The following SETD5 variants were observed in gnomAD, a reference collection of about 807,000 sequenced individuals.
The protein encoded by SETD5 is SET domain containing 5, also known as histone-lysine N-methyltransferase SETD5.
SETD5 carries 44 observed loss-of-function variants against 153.3 expected under a neutral mutation model. The observed-to-expected ratio is 0.29, with a 90% CI of 0.23 to 0.37. The LOEUF (loss-of-function observed/expected upper bound fraction) is 0.37. SETD5 is among the 10% of genes least tolerant of loss of function. The pLI is 1.00. For synonymous variants in SETD5, 716 were observed against 645.2 expected, an observed-to-expected ratio of 1.11 and a Z score of -1.66; for missense variants, 1,544 against 1,768.0, an observed-to-expected ratio of 0.87 and a Z score of 2.27.
At chr3:9,465,006 C>A in intron 18 of SETD5, 1 of 331,906 alleles carries the variant, frequency 3.0e-6, no homozygotes. Context: ...AGGCCTCTAG[C>A]TGCCTGTAGT....
At chr3:9,415,321 T>C (rs1296642456) in intron 1 of SETD5, among the ~76,000 whole-genome samples, 1 of 152,200 alleles carries the variant, frequency 6.6e-6, no homozygotes, top group East Asian at 1.9e-4. Context: ...AAATCATTTT[T>C]CATATTAAGA....
At position 9,413,649 on chromosome 3, in the gene SETD5, G is replaced by GGGGGTGT. The variant is rs200761097; in HGVS notation, c.-176-10817_-176-10816insGGGTGTG. The stretch of plus-strand genomic sequence containing the variant: ...AGCTTCTTCGGGTGGGGGGAGGCGG[G>GGGGGTGT]GTGTGTGTGTGTGTGTGTGTGTGTG... On this transcript the variant is annotated intron_variant, in intron 1 of 22. Coordinates refer to ENST00000402198, the MANE Select transcript of SETD5 (RefSeq NM_001080517.3). Among the ~76,000 whole-genome samples, 12 of 140,366 alleles carry GGGGGTGT rather than the reference G, an allele frequency of 8.5e-5. 1 individual carries two copies. Among genetic ancestry groups the GGGGGTGT allele is most frequent in the Non-Finnish European group, 1.7e-4 (11 of 64,768 alleles). The allele number at this position is 140,366 out of a possible 152,430, so 92.1% of individuals were successfully genotyped here.
At position 9,470,722 on chromosome 3, in the gene SETD5, A is replaced by G; in HGVS notation, c.2988A>G (p.Ala996=). Residue 996 remains alanine, a synonymous_variant, in exon 19 of 23, where the codon GCA becomes GCG. Transcript: ENST00000402198. ...AYSPLNAMPR[A]DGLYRGSPLV... ...CCCCTTTGAATGCTATGCCTCGAGC[A>G]GATGGACTGTATCGAGGATCTCCTC... is the stretch of plus-strand genomic sequence containing the variant. 6.2e-7 allele frequency: 1 copy of G among 1,614,064 alleles called. No homozygotes were observed. Among genetic ancestry groups the G allele is most frequent in the Non-Finnish European group, 8.5e-7 (1 of 1,179,892 alleles).
intron 1 of SETD5, among the ~76,000 whole-genome samples, chr3:9,406,233 C>CTT: frequency 6.6e-6 from 1 of 152,194 alleles, no homozygotes; most frequent in Non-Finnish European, 1.5e-5. Flanking sequence ...TTTAAAAAAA[C>CTT]TTTTAGTTCT....
At chr3:9,422,106 A>C (rs1260234961) in intron 1 of SETD5, among the ~76,000 whole-genome samples, 1 of 152,170 alleles carries the variant, frequency 6.6e-6, no homozygotes, top group Non-Finnish European at 1.5e-5. Flanking sequence ...TGAAAAAGAA[A>C]CCAGGCCTAG....
Position 9,453,740 on chromosome 3 carries a change from G to A in SETD5, c.2348G>A (p.Arg783His), listed in dbSNP as rs201499833. The change falls in exon 17 of 23, where the codon CGC (arginine) becomes CAC (histidine). Residue 783 changes from arginine to histidine, a missense_variant and splice_region_variant. Around this residue, in one of 9 missense-constraint regions of SETD5, gnomAD observed 782 missense variants for 787.2 expected, o/e 0.99. Transcript: ENST00000402198. ...PDGTFSSCKKRWIKQALEEGM... is the reference protein window; with the variant it reads ...PDGTFSSCKKHWIKQALEEGM... Reference sequence around the variant, plus strand: ...TTCTCTGGTTCTTTTCAATTATAGCGCTGGATAAAACAAGCCTTAGAAGAA... The same window carrying A: ...TTCTCTGGTTCTTTTCAATTATAGCACTGGATAAAACAAGCCTTAGAAGAA... 377 of 1,584,592 alleles carry A rather than the reference G, an allele frequency of 2.4e-4. 2 individuals carry two copies. In the Middle Eastern group the frequency reaches 3.7e-3, roughly 16 times the overall value.
At chr3:9,472,217 T>C (rs1434611011) in intron 19 of SETD5, among the ~76,000 whole-genome samples, 1 of 152,228 alleles carries the variant, frequency 6.6e-6, no homozygotes, top group Non-Finnish European at 1.5e-5. Context: ...TTGGGCACAT[T>C]TAAGCATAAA....
intron 16 of SETD5, among the ~76,000 whole-genome samples, chr3:9,450,799 T>C (rs890227763): frequency 2.0e-5 from 3 of 152,252 alleles, no homozygotes; most frequent in Admixed American, 6.5e-5. Context: ...CCTGGCCTTG[T>C]AAGTTAAAAA....
intron 7 of SETD5, among the ~76,000 whole-genome samples, chr3:9,438,753 C>G (rs2040904364): frequency 1.3e-5 from 2 of 152,144 alleles, no homozygotes; most frequent in Admixed American, 1.3e-4. Flanking sequence ...ACAGTTTGGA[C>G]CAGATAATTC....
At chr3:9,441,851 A>G (rs957784008) in intron 9 of SETD5, 110 bp downstream of exon 9, 5 of 1,349,600 alleles carry the variant, frequency 3.7e-6, no homozygotes, top group African/African-American at 1.5e-5. Flanking sequence ...AAAAATCACA[A>G]CTCAGATAAG....
chr3:9,434,990 A>G lies in SETD5; in HGVS notation c.388+108A>G. The G allele has an allele frequency of 7.6e-7, 1 of 1,317,304 alleles. No individual in the cohort carries two copies. Among genetic ancestry groups the G allele is most frequent in the Non-Finnish European group, 1.0e-6 (1 of 967,104 alleles). 81.6% of individuals were successfully genotyped at this position (1,317,304 alleles called of 1,614,324 possible). On this transcript the variant is annotated intron_variant, in intron 6 of 22. Coordinates refer to ENST00000402198, the MANE Select transcript of SETD5 (RefSeq NM_001080517.3). The surrounding 1 kb of genome is among the most constrained non-coding windows in gnomAD (Gnocchi z 5.6). Reference sequence around the variant, plus strand: ...CCAGGCGCAGTGGCTTACGCCTGTAATCTCACCACTTAGGGAGGCCAAAGC... The same window carrying G: ...CCAGGCGCAGTGGCTTACGCCTGTAGTCTCACCACTTAGGGAGGCCAAAGC...
At chr3:9,406,694 G>T (rs2035759816) in intron 1 of SETD5, among the ~76,000 whole-genome samples, 1 of 151,770 alleles carries the variant, frequency 6.6e-6, no homozygotes, top group Non-Finnish European at 1.5e-5. Flanking sequence ...TTTTTTCCTA[G>T]ACAAATTTAG....
intron 7 of SETD5, among the ~76,000 whole-genome samples, chr3:9,438,010 A>G (rs973044675): frequency 2.9e-4 from 44 of 152,270 alleles, no homozygotes; most frequent in African/African-American, 1.0e-3. Flanking sequence ...CTCAAAAAAA[A>G]AAAAAAATTC....
At chr3:9,421,291 C>G (rs2038354492) in intron 1 of SETD5, among the ~76,000 whole-genome samples, 1 of 151,736 alleles carries the variant, frequency 6.6e-6, no homozygotes, top group Non-Finnish European at 1.5e-5. Flanking sequence ...AATATAGTGC[C>G]TTTTTTTTCT....
At chr3:9,440,807 AT>A in intron 8 of SETD5, 109 bp downstream of exon 8, 1 of 1,351,880 alleles carries the variant, frequency 7.4e-7, no homozygotes, top group Admixed American at 2.6e-5. Context: ...AGGCCATGGA[AT>A]AACAGATTAG....
In SETD5 at chr3:9,470,604, G is replaced by C; in HGVS notation, c.2870G>C (p.Gly957Ala). The C allele has an allele frequency of 6.2e-7, 1 of 1,613,954 alleles. No individual in the cohort carries two copies. ...TCCCTCGGACCCACTTCTGAGACTGGTTTCCCAAGCAGAAGTGGAGATGGA... is the reference window on the plus strand; with the variant it reads ...TCCCTCGGACCCACTTCTGAGACTGCTTTCCCAAGCAGAAGTGGAGATGGA... Reference protein sequence around the residue: ...HPSLGPTSETGFPSRSGDGHQ... With the variant: ...HPSLGPTSETAFPSRSGDGHQ... Residue 957 changes from glycine to alanine, a missense_variant, in exon 19 of 23, where the codon GGT (glycine) becomes GCT (alanine). By Grantham distance (60) the Gly-to-Ala change is moderately conservative (BLOSUM62 0). This residue lies in a region of SETD5 where 782 missense variants were observed against 787.2 expected (regional missense o/e 0.99). Coordinates refer to ENST00000402198, the MANE Select transcript of SETD5 (RefSeq NM_001080517.3).
At chr3:9,440,316 C>T (rs1575419569) in intron 7 of SETD5, 140 bp from the exon 8 acceptor site, 1 of 609,756 alleles carries the variant, frequency 1.6e-6, no homozygotes, top group Non-Finnish European at 3.0e-6. Context: ...GATCCTCTGA[C>T]TCCCAGTCCA....
chr3:9,402,975 C>G (rs2035046961), intron 1 of SETD5, among the ~76,000 whole-genome samples: 1 of 152,080 alleles, frequency 6.6e-6, no homozygotes, highest in Non-Finnish European at 1.5e-5. Context: ...TATTATGCCT[C>G]CAGTAGGCCT....
At chr3:9,400,998 G>C (rs2034683039) in intron 1 of SETD5, among the ~76,000 whole-genome samples, 1 of 152,122 alleles carries the variant, frequency 6.6e-6, no homozygotes. Flanking sequence ...TTTTCTCTCA[G>C]AATTTTGATT....
Sources: allele counts gnomAD v4.1 joint callset (sites outside exome capture counted in the v4.1 genomes callset), GRCh38; gene constraint gnomAD v4.1.1; regional missense constraint gnomAD v4.1.1; non-coding constraint Gnocchi (gnomAD v3.1); transcripts MANE v1.5; gene names NCBI Gene and HGNC (gene_info 2026-07-23, HGNC 2026-07-21).